TRIOBP: variants seen among roughly 807,000 people sequenced by gnomAD.
TRIOBP encodes TRIO and F-actin binding protein.
Under a neutral mutation model 238.8 loss-of-function variants are expected in TRIOBP, and 169 were observed. The ratio of observed to expected loss-of-function variants is 0.71; its 90% confidence interval spans 0.62 to 0.80. TRIOBP has a LOEUF of 0.80. Among genes scored for constraint, TRIOBP ranks in the 30% least tolerant of loss-of-function variants. The probability of loss-of-function intolerance (pLI) is 0.00; values close to 1 mark genes in which losing one functional copy is unlikely to be tolerated. For synonymous variants in TRIOBP, 1,150 were observed against 1,274.4 expected (o/e 0.90, Z 2.08); for missense variants, 2,838 against 3,122.6 (o/e 0.91, Z 2.17).
chr22:37,757,383 C>A (rs5756809), intron 15 of TRIOBP, among the ~76,000 whole-genome samples: 1 of 152,056 alleles, frequency 6.6e-6, no homozygotes, highest in Non-Finnish European at 1.5e-5. Flanking sequence ...AAAACAAGAA[C>A]GGGGGCGAGG....
chr22:37,756,836 C>T (rs1925950841), intron 15 of TRIOBP, among the ~76,000 whole-genome samples: 1 of 152,224 alleles, frequency 6.6e-6, no homozygotes, highest in Admixed American at 6.5e-5. Flanking sequence ...GTCTCTGCAA[C>T]TTGTGTTCTG....
intron 11 of TRIOBP, among the ~76,000 whole-genome samples, chr22:37,748,794 A>G (rs1421378040): frequency 1.3e-5 from 2 of 152,128 alleles, no homozygotes; most frequent in African/African-American, 4.8e-5. Context: ...GGTGAGTGGC[A>G]TGAACTGTGA....
At position 37,710,558 on chromosome 22, in the gene TRIOBP, G is replaced by T. The variant is rs1191990301; in HGVS notation, c.246G>T (p.Gly82=). 5 of 1,610,448 alleles carry T rather than the reference G, an allele frequency of 3.1e-6. No homozygotes were observed. Among genetic ancestry groups the T allele is most frequent in the Non-Finnish European group, 4.2e-6 (5 of 1,179,754 alleles). ...TGGTGGACCCAGGCCTCAGGCCAGGGCCCAAGAGGTGGGTAGAGTCCCAGG... is the reference window on the plus strand; with the variant it reads ...TGGTGGACCCAGGCCTCAGGCCAGGTCCCAAGAGGTGGGTAGAGTCCCAGG... ...QSVVDPGLRP[G]PKRGPSPSAG... Residue 82 remains glycine (G), a synonymous_variant, in exon 4 of 24, where the codon GGG becomes GGT. Transcript: ENST00000644935.
At chr22:37,764,284 CTTTTCTGTG>C (rs995905875) in intron 17 of TRIOBP, among the ~76,000 whole-genome samples, 1 of 152,198 alleles carries the variant, frequency 6.6e-6, no homozygotes, top group Admixed American at 6.5e-5. Flanking sequence ...TCCTCCCTAC[CTTTTCTGTG>C]TTTTCTGTGT....
rs1460916447 is a variant in TRIOBP, at chr22:37,725,997, T to C, written c.3441T>C (p.Leu1147=). Residue 1147 remains leucine, a synonymous_variant, in exon 7 of 24, where the codon CTT becomes CTC. Transcript: ENST00000644935. The part of the protein sequence containing the change: ...QDLPRASTES[L]VPSMDSLHEC... ...TCCCCAGGGCCAGCACAGAGAGCCT[T>C]GTCCCTTCCATGGACTCTCTGCACG... 1 of 1,604,556 alleles carries C rather than the reference T, an allele frequency of 6.2e-7. No individual in the cohort carries two copies. The highest frequency in any genetic ancestry group is 8.5e-7 in the Non-Finnish European group (1 of 1,177,262).
In TRIOBP at chr22:37,701,404, T is replaced by G. The variant is rs1250021863; in HGVS notation, c.39T>G (p.Phe13Leu). 6.2e-7 allele frequency: 1 copy of G among 1,613,888 alleles called. No individual in the cohort carries two copies. The highest frequency in any genetic ancestry group is 8.5e-7 in the Non-Finnish European group (1 of 1,179,962). Reference protein sequence around the residue: ...EVPGDALCEHFEANILTQNRC... With the variant: ...EVPGDALCEHLEANILTQNRC... ...CTGGGGATGCCCTGTGTGAACACTT[T>G]GAGGCCAACATACTTACCCAGAACC... Residue 13 changes from phenylalanine to leucine, a missense_variant, in exon 3 of 24, where the codon TTT (phenylalanine) becomes TTG (leucine). Transcript: ENST00000644935.
Position 37,765,827 on chromosome 22 carries a change from C to A in TRIOBP, c.6472+10C>A. ...GCAGCCACGGCCTCAGGTATGGACC[C>A]TGGGGGGGGCACAGTGGGCTGGGCT... On this transcript the variant is annotated intron_variant, in intron 18 of 23. Transcript: ENST00000644935. The A allele has an allele frequency of 6.6e-7, 1 of 1,509,196 alleles. No homozygotes were observed. The allele number at this position is 1,509,196 out of a possible 1,614,324, so 93.5% of individuals were successfully genotyped here.
Position 37,701,412 on chromosome 22 carries a change from A to G in TRIOBP, c.47A>G (p.Asn16Ser), listed in dbSNP as rs775321939. Reference protein sequence around the residue: ...GDALCEHFEANILTQNRCQNC... With the variant: ...GDALCEHFEASILTQNRCQNC... ...GCCCTGTGTGAACACTTTGAGGCCA[A>G]CATACTTACCCAGAACCGCTGTCAA... The change falls in exon 3 of 24, where the codon AAC becomes AGC. Residue 16 changes from asparagine to serine, a missense_variant. Physicochemically the swap from Asn to Ser is conservative, Grantham distance 46. Around this residue, in one of 5 missense-constraint regions of TRIOBP, gnomAD observed 535 missense variants for 537.3 expected, o/e 1.00. Coordinates refer to ENST00000644935, the MANE Select transcript of TRIOBP (RefSeq NM_001039141.3). 3.1e-6 allele frequency: 5 copies of G among 1,613,926 alleles called. No individual in the cohort carries two copies. Among genetic ancestry groups the G allele is most frequent in the East Asian group, 4.5e-5 (2 of 44,870 alleles).
intron 17 of TRIOBP, among the ~76,000 whole-genome samples, chr22:37,764,094 G>A (rs772501375): frequency 5.3e-5 from 8 of 152,204 alleles, no homozygotes; most frequent in Non-Finnish European, 8.8e-5. Flanking sequence ...GGACCCTTGT[G>A]ATTACACTGG....
At chr22:37,709,524 C>A (rs968174005) in intron 3 of TRIOBP, among the ~76,000 whole-genome samples, 1 of 152,302 alleles carries the variant, frequency 6.6e-6, no homozygotes, top group Non-Finnish European at 1.5e-5. Context: ...TGAGCCGGAG[C>A]CCCCCGGGGA....
In TRIOBP at chr22:37,725,286, C is replaced by T. The variant is rs1924077452; in HGVS notation, c.2730C>T (p.Pro910=). 6.2e-7 allele frequency: 1 copy of T among 1,613,932 alleles called. No individual in the cohort carries two copies. The highest frequency in any genetic ancestry group is 8.5e-7 in the Non-Finnish European group (1 of 1,180,016). ...AAGACATCCCCTGGGCCTCGTTTCC[C>T]CTCCGGCCAACTCAGAGTGATGGTC... ...TNKDIPWASF[P]LRPTQSDGPR... Residue 910 remains proline (P), a synonymous_variant, in exon 7 of 24, where the codon CCC becomes CCT. Coordinates refer to ENST00000644935, the MANE Select transcript of TRIOBP (RefSeq NM_001039141.3).
intron 17 of TRIOBP, chr22:37,759,896 C>T (rs771937092): frequency 1.0e-5 from 4 of 388,162 alleles, no homozygotes; most frequent in Non-Finnish European, 1.6e-5. Flanking sequence ...TAAATTTTAC[C>T]AATAAAAACA....
intron 3 of TRIOBP, among the ~76,000 whole-genome samples, chr22:37,702,735 G>A (rs747345000): frequency 8.5e-5 from 12 of 140,856 alleles, no homozygotes; most frequent in Admixed American, 7.0e-4. Flanking sequence ...CTGTAGCCTC[G>A]ACCTCCCAGG....
At chr22:37,759,658 C>T (rs1024512472) in intron 17 of TRIOBP, 22 of 1,527,494 alleles carry the variant, frequency 1.4e-5, no homozygotes, top group Admixed American at 1.4e-4. Context: ...GAAATCCTGC[C>T]GAGGCCCACT....
At position 37,757,800 on chromosome 22, in the gene TRIOBP, G is replaced by A. The variant is rs1196793743; in HGVS notation, c.5875G>A (p.Ala1959Thr). 1 of 1,547,892 alleles carries A rather than the reference G, an allele frequency of 6.5e-7. No homozygotes were observed. Among genetic ancestry groups the A allele is most frequent in the Non-Finnish European group, 8.7e-7 (1 of 1,145,252 alleles). ...SPLTQASPQRARTPARTPDRL... is the reference protein window; with the variant it reads ...SPLTQASPQRTRTPARTPDRL... ...GCTGACCCAGGCTTCCCCGCAGCGG[G>A]CCCGCACCCCAGCCCGCACTCCTGA... The change falls in exon 16 of 24, where the codon GCC (alanine) becomes ACC (threonine). Residue 1959 changes from alanine to threonine, a missense_variant. Coordinates refer to ENST00000644935, the MANE Select transcript of TRIOBP (RefSeq NM_001039141.3).
chr22:37,748,579 TA>T (rs60098168), intron 11 of TRIOBP, among the ~76,000 whole-genome samples: 4 of 151,378 alleles, frequency 2.6e-5, no homozygotes, highest in Non-Finnish European at 5.9e-5. Flanking sequence ...CTGATAACTT[TA>T]AAAAAAAATT....
chr22:37,759,844 T>G, intron 17 of TRIOBP: 1 of 1,149,686 alleles, frequency 8.7e-7, no homozygotes, highest in Non-Finnish European at 1.1e-6. Flanking sequence ...AAACTAACTC[T>G]CTAGAAAAAA....
At position 37,775,866 on chromosome 22, in the gene TRIOBP, A is replaced by G. The variant is rs1296971801; in HGVS notation, c.*2086A>G. ...TCGCCATCTTCCCTCATCAATAGCTAAAAATGGCAAAGAAGAAAGAGCCAG... is the reference window on the plus strand; with the variant it reads ...TCGCCATCTTCCCTCATCAATAGCTGAAAATGGCAAAGAAGAAAGAGCCAG... On this transcript the variant is annotated 3_prime_UTR_variant, in exon 24 of 24. Coordinates refer to ENST00000644935, the MANE Select transcript of TRIOBP (RefSeq NM_001039141.3). The G allele has an allele frequency of 6.6e-6, 1 of 152,164 alleles. No homozygotes were observed. The highest frequency in any genetic ancestry group is 1.5e-5 in the Non-Finnish European group (1 of 68,062). 9.4% of individuals were successfully genotyped at this position (152,164 alleles called of 1,614,324 possible).
intron 11 of TRIOBP, among the ~76,000 whole-genome samples, chr22:37,749,481 G>A (rs1022274634): frequency 1.3e-5 from 2 of 152,156 alleles, no homozygotes; most frequent in African/African-American, 4.8e-5. Context: ...GGTAGGAGGC[G>A]GGGCTGTGAG....
Sources: allele counts gnomAD v4.1 joint callset (sites outside exome capture counted in the v4.1 genomes callset), GRCh38; gene constraint gnomAD v4.1.1; regional missense constraint gnomAD v4.1.1; transcripts MANE v1.5; gene names NCBI Gene and HGNC (gene_info 2026-07-23, HGNC 2026-07-21).